GNB1: variants seen among roughly 807,000 people sequenced by gnomAD.
The protein encoded by GNB1 is guanine nucleotide-binding protein G(I)/G(S)/G(T) subunit beta-1.
A neutral mutation model predicts 42.9 loss-of-function variants in GNB1; 2 were observed. That is an observed-to-expected ratio of 0.05 (90% CI 0.02 to 0.15). The LOEUF (loss-of-function observed/expected upper bound fraction) is 0.15, where lower values mean the gene tolerates loss of function less well. Among genes scored for constraint, GNB1 ranks in the 10% least tolerant of loss-of-function variants. The pLI is 1.00. For synonymous variants in GNB1, 183 were observed against 174.7 expected, an observed-to-expected ratio of 1.05 and a Z score of -0.38; for missense variants, 193 against 462.2, an observed-to-expected ratio of 0.42 and a Z score of 5.34.
At chr1:1,800,157 A>T (rs1646604670) in intron 7 of GNB1, among the ~76,000 whole-genome samples, 1 of 152,232 alleles carries the variant, frequency 6.6e-6, no homozygotes, top group Admixed American at 6.5e-5. Context: ...TACTAAAAAA[A>T]TAGCAAAATG....
At chr1:1,792,967 G>A (rs1646501560) in intron 8 of GNB1, among the ~76,000 whole-genome samples, 1 of 151,830 alleles carries the variant, frequency 6.6e-6, no homozygotes, top group Admixed American at 6.6e-5. Context: ...TCAGGAGGAT[G>A]AGGCAGGAGA....
At chr1:1,830,541 G>A (rs1230561230) in intron 2 of GNB1, among the ~76,000 whole-genome samples, 3 of 151,838 alleles carry the variant, frequency 2.0e-5, no homozygotes, top group Non-Finnish European at 2.9e-5. Flanking sequence ...GAGCCACCGC[G>A]CCCAGCCTTA....
chr1:1,814,985 G>A (rs967854053), intron 5 of GNB1, among the ~76,000 whole-genome samples: 7 of 151,504 alleles, frequency 4.6e-5, no homozygotes, highest in African/African-American at 1.5e-4. Flanking sequence ...GGTGGCAGGC[G>A]CCTGTAGTCC....
chr1:1,835,159 A>T (rs1647128675), intron 2 of GNB1, among the ~76,000 whole-genome samples: 1 of 152,058 alleles, frequency 6.6e-6, no homozygotes, highest in Admixed American at 6.6e-5. Context: ...TCCTAGAAAA[A>T]CTTCCGTGTT....
At chr1:1,855,453 G>A (rs1490666760) in intron 1 of GNB1, among the ~76,000 whole-genome samples, 1 of 152,124 alleles carries the variant, frequency 6.6e-6, no homozygotes. Context: ...TGTAATCCCA[G>A]CACTTTGGGA....
chr1:1,809,430 C>G (rs904204401), intron 5 of GNB1, among the ~76,000 whole-genome samples: 1 of 152,176 alleles, frequency 6.6e-6, no homozygotes, highest in Non-Finnish European at 1.5e-5. Flanking sequence ...GGATTACAGG[C>G]GTAAGCCACC....
At chr1:1,826,951 T>C (rs1325554079) in intron 2 of GNB1, among the ~76,000 whole-genome samples, 2 of 152,190 alleles carry the variant, frequency 1.3e-5, no homozygotes, top group African/African-American at 4.8e-5. Flanking sequence ...CAGTTGCTAA[T>C]GTCTTTAATC....
At chr1:1,850,629 G>T (rs1232910416) in intron 1 of GNB1, among the ~76,000 whole-genome samples, 1 of 151,696 alleles carries the variant, frequency 6.6e-6, no homozygotes, top group East Asian at 1.9e-4. Flanking sequence ...TGAAATTCTC[G>T]ATCTTTTCAC....
intron 7 of GNB1, 168 bp from the exon 8 acceptor site, chr1:1,793,479 G>A (rs1008419233): frequency 2.9e-5 from 15 of 519,646 alleles, no homozygotes; most frequent in Admixed American, 5.5e-5. Flanking sequence ...AGGTCCACAC[G>A]CACTGCTGGT....
At chr1:1,851,016 TC>T (rs1647950161) in intron 1 of GNB1, among the ~76,000 whole-genome samples, 1 of 152,130 alleles carries the variant, frequency 6.6e-6, no homozygotes, top group Non-Finnish European at 1.5e-5. Context: ...ACGCCTGTAA[TC>T]CCAGCACTTT....
chr1:1,808,523 AG>A (rs1188318132), intron 5 of GNB1, among the ~76,000 whole-genome samples: 3 of 152,238 alleles, frequency 2.0e-5, no homozygotes, highest in African/African-American at 4.8e-5. Flanking sequence ...GCTGTTTTCA[AG>A]GAAGAGCAAG....
At chr1:1,826,365 C>CA (rs1277188920) in intron 2 of GNB1, among the ~76,000 whole-genome samples, 1 of 152,130 alleles carries the variant, frequency 6.6e-6, no homozygotes, top group Non-Finnish European at 1.5e-5. Context: ...TGCACTGAGC[C>CA]AAAATCACAC....
chr1:1,872,099 T>C (rs1433524761), intron 1 of GNB1, among the ~76,000 whole-genome samples: 1 of 152,010 alleles, frequency 6.6e-6, no homozygotes, highest in Admixed American at 6.6e-5. Flanking sequence ...ACTCCTGGGC[T>C]GAAGCGATGC....
intron 5 of GNB1, among the ~76,000 whole-genome samples, chr1:1,811,081 ATTT>A (rs70937196): frequency 4.1e-5 from 3 of 73,142 alleles, no homozygotes; most frequent in East Asian, 6.9e-4. Context: ...ATATATATAT[ATTT>A]TTTTTTTTTT....
chr1:1,888,539 G>A (rs186193920), intron 1 of GNB1, among the ~76,000 whole-genome samples: 4 of 152,118 alleles, frequency 2.6e-5, no homozygotes, highest in Admixed American at 6.6e-5. Context: ...CTAATCGTTA[G>A]AAAGTTCTGC....
chr1:1,789,623 C>T (rs948651781), intron 9 of GNB1, among the ~76,000 whole-genome samples: 5 of 141,878 alleles, frequency 3.5e-5, no homozygotes, highest in South Asian at 2.4e-4. Flanking sequence ...AACCGGGAGG[C>T]GGCGGAGGCT....
chr1:1,887,206 T>G (rs57222601), intron 1 of GNB1, among the ~76,000 whole-genome samples: 2,752 of 152,262 alleles, frequency 0.018, 59 homozygotes, highest in South Asian at 0.061. Flanking sequence ...GAGACCAACA[T>G]GAGCCAAATC....
intron 10 of GNB1, 33 bp downstream of exon 10, chr1:1,789,020 C>T (rs753027480): frequency 6.8e-7 from 1 of 1,463,516 alleles, no homozygotes; most frequent in Admixed American, 1.7e-5. Context: ...CGTAAATGTC[C>T]ACAAGACACA....
chr1:1,856,040 G>C (rs1198643798), intron 1 of GNB1, among the ~76,000 whole-genome samples: 1 of 152,186 alleles, frequency 6.6e-6, no homozygotes, highest in Non-Finnish European at 1.5e-5. Context: ...TCTTCTTTAA[G>C]AGATGGCGAT....
Sources: allele counts gnomAD v4.1 joint callset (sites outside exome capture counted in the v4.1 genomes callset), GRCh38; gene constraint gnomAD v4.1.1; transcripts MANE v1.5; gene names NCBI Gene and HGNC (gene_info 2026-07-23, HGNC 2026-07-21).